TMEM9: variants seen among roughly 807,000 people sequenced by gnomAD.
TMEM9 encodes the protein proton-transporting V-type ATPase complex assembly regulator TMEM9.
A neutral mutation model predicts 22.8 loss-of-function variants in TMEM9; 13 were observed. That is an observed-to-expected ratio of 0.57 (90% CI 0.37 to 0.91). The LOEUF (loss-of-function observed/expected upper bound fraction) is 0.91, where lower values mean the gene tolerates loss of function less well. Ranked by LOEUF, TMEM9 falls within the 40% of genes least tolerant of loss-of-function variation. The pLI is 0.01. For missense variants in TMEM9, 182 were observed against 238.1 expected, an observed-to-expected ratio of 0.76 and a Z score of 1.55; for synonymous variants, 88 against 93.0, an observed-to-expected ratio of 0.95 and a Z score of 0.31.
intron 1 of TMEM9, among the ~76,000 whole-genome samples, chr1:201,167,430 G>A (rs1416500123): frequency 6.6e-6 from 1 of 152,178 alleles, no homozygotes; most frequent in African/African-American, 2.4e-5. Context: ...GGGGCCACAG[G>A]GGCGGCTGGC....
At chr1:201,143,358 T>C (rs908443862) in intron 4 of TMEM9, among the ~76,000 whole-genome samples, 1 of 152,262 alleles carries the variant, frequency 6.6e-6, no homozygotes, top group Non-Finnish European at 1.5e-5. Flanking sequence ...TCTTCCGCTC[T>C]TGAAATCCTA....
At chr1:201,139,038 G>C (rs1049166536) in intron 4 of TMEM9, among the ~76,000 whole-genome samples, 4 of 152,244 alleles carry the variant, frequency 2.6e-5, no homozygotes, top group Non-Finnish European at 5.9e-5. Context: ...AAGGACCCAA[G>C]TAACTGTGTG....
intron 3 of TMEM9, 50 bp downstream of exon 3, chr1:201,146,690 G>A (rs532494766): frequency 1.2e-4 from 191 of 1,558,998 alleles, no homozygotes; most frequent in Non-Finnish European, 1.6e-4. Context: ...GTCTGCGATT[G>A]GAGAATGGCG....
intron 1 of TMEM9, among the ~76,000 whole-genome samples, chr1:201,152,342 A>C (rs550832711): frequency 1.2e-4 from 18 of 152,340 alleles, no homozygotes; most frequent in African/African-American, 4.3e-4. Context: ...TTCTGTGGGA[A>C]TACTCAAGCA....
intron 4 of TMEM9, among the ~76,000 whole-genome samples, chr1:201,141,321 G>GTGC (rs964614922): frequency 3.9e-5 from 6 of 152,174 alleles, no homozygotes; most frequent in Non-Finnish European, 1.5e-5. Flanking sequence ...TCTCAACACT[G>GTGC]TGCCACCTGC....
chr1:201,166,887 C>A (rs930604458), intron 1 of TMEM9, among the ~76,000 whole-genome samples: 1 of 152,186 alleles, frequency 6.6e-6, no homozygotes, highest in Non-Finnish European at 1.5e-5. Flanking sequence ...GCTGTTAAAT[C>A]TCTGTGTGAT....
chr1:201,168,155 C>G (rs1317846700), intron 1 of TMEM9, among the ~76,000 whole-genome samples: 1 of 152,170 alleles, frequency 6.6e-6, no homozygotes, highest in East Asian at 1.9e-4. Context: ...ATTCACTTAT[C>G]CATTCTATTG....
intron 1 of TMEM9, among the ~76,000 whole-genome samples, chr1:201,167,252 G>A (rs969001026): frequency 2.0e-5 from 3 of 152,204 alleles, no homozygotes; most frequent in Admixed American, 6.5e-5. Flanking sequence ...CCACGCGGGC[G>A]ACAGAGTTAT....
At chr1:201,164,777 C>T (rs1159183778) in intron 1 of TMEM9, among the ~76,000 whole-genome samples, 1 of 152,066 alleles carries the variant, frequency 6.6e-6, no homozygotes, top group Non-Finnish European at 1.5e-5. Flanking sequence ...TGCCAATGAC[C>T]TCAGCCCCGC....
chr1:201,171,217 T>A (rs1355011734), intron 1 of TMEM9, among the ~76,000 whole-genome samples: 1 of 152,044 alleles, frequency 6.6e-6, no homozygotes, highest in Non-Finnish European at 1.5e-5. Context: ...TTGAAATGGA[T>A]CCTGGCTGGG....
rs886662473 is a variant in TMEM9, at chr1:201,165,611, A to G, written c.-37+5879T>C. On this transcript the variant is annotated intron_variant, in intron 1 of 5. Coordinates refer to the TMEM9 transcript ENST00000367333. ...GCCACCACGCCCAGCTAATTTTTGT[A>G]TTTTTAGTAGAGATGGGGTTTCGCC... Among the ~76,000 whole-genome samples the G allele has an allele frequency of 1.7e-4, 26 of 151,890 alleles. No individual in the cohort carries two copies. The East Asian group carries it at 5.0e-3, about 29-fold the overall frequency.
At chr1:201,147,061 C>A (rs1477432006) in intron 2 of TMEM9, among the ~76,000 whole-genome samples, 4 of 152,168 alleles carry the variant, frequency 2.6e-5, no homozygotes, top group African/African-American at 9.7e-5. Flanking sequence ...CACATCAAAA[C>A]CAGCTCTCCA....
At chr1:201,161,035 T>C (rs1334777796) in intron 1 of TMEM9, among the ~76,000 whole-genome samples, 1 of 152,238 alleles carries the variant, frequency 6.6e-6, no homozygotes, top group Non-Finnish European at 1.5e-5. Flanking sequence ...TTTAAACATA[T>C]TTATTTGTTT....
At chr1:201,167,433 C>T (rs532064579) in intron 1 of TMEM9, among the ~76,000 whole-genome samples, 11 of 152,224 alleles carry the variant, frequency 7.2e-5, no homozygotes, top group Admixed American at 3.9e-4. Flanking sequence ...GCCACAGGGG[C>T]GGCTGGCGAG....
At chr1:201,162,220 A>G (rs907244306) in intron 1 of TMEM9, among the ~76,000 whole-genome samples, 5 of 151,834 alleles carry the variant, frequency 3.3e-5, no homozygotes, top group Non-Finnish European at 7.4e-5. Context: ...CCCAGGCACA[A>G]TCATGGCTCA....
chr1:201,138,755 C>T (rs1008894928), intron 4 of TMEM9, among the ~76,000 whole-genome samples: 6 of 152,242 alleles, frequency 3.9e-5, no homozygotes, highest in African/African-American at 1.4e-4. Context: ...CCTATTGTAG[C>T]TGCAGAAACT....
intron 1 of TMEM9, among the ~76,000 whole-genome samples, chr1:201,165,883 C>G (rs146377666): frequency 6.6e-6 from 1 of 152,298 alleles, no homozygotes; most frequent in African/African-American, 2.4e-5. Flanking sequence ...GTTAGACTGT[C>G]AGGAGCAGGG....
intron 2 of TMEM9, among the ~76,000 whole-genome samples, chr1:201,148,896 C>G (rs1217807333): frequency 2.0e-5 from 3 of 152,222 alleles, no homozygotes; most frequent in African/African-American, 7.2e-5. Context: ...CCGCTGGGAG[C>G]AGCGGAAAAA....
intron 2 of TMEM9, among the ~76,000 whole-genome samples, chr1:201,150,200 T>A (rs3753962): frequency 0.73 from 111,455 of 152,060 alleles, 40,989 homozygotes; most frequent in Non-Finnish European, 0.77. Context: ...ACAGCCCATC[T>A]AAGTTTTTAC....
Sources: allele counts gnomAD v4.1 joint callset (sites outside exome capture counted in the v4.1 genomes callset), GRCh38; gene constraint gnomAD v4.1.1; transcripts MANE v1.5; gene names NCBI Gene and HGNC (gene_info 2026-07-23, HGNC 2026-07-21).